AGO1: variants seen among roughly 807,000 people sequenced by gnomAD.
The protein encoded by AGO1 is protein argonaute-1.
Under a neutral mutation model 109.2 loss-of-function variants are expected in AGO1, and 11 were observed. That is an observed-to-expected ratio of 0.10 (90% CI 0.06 to 0.17). The LOEUF is 0.17. Ranked by LOEUF, AGO1 falls within the 10% of genes least tolerant of loss-of-function variation. The probability of loss-of-function intolerance (pLI) is 1.00; values close to 1 mark genes in which losing one functional copy is unlikely to be tolerated. For missense variants in AGO1, 574 were observed against 1,140.3 expected (o/e 0.50, Z 7.15); for synonymous variants, 422 against 418.6 (o/e 1.01, Z -0.10).
In AGO1 at chr1:35,901,569, C is replaced by T. The variant is rs779631833; in HGVS notation, c.1116C>T (p.Asp372=). The T allele has an allele frequency of 6.2e-7, 1 of 1,614,198 alleles. No individual in the cohort carries two copies. The highest frequency in any genetic ancestry group is 8.5e-7 in the Non-Finnish European group (1 of 1,180,024). ...AGGCCACAGCTAGATCCGCTCCAGACAGACAGGAGGAGATCAGTCGCCTGG... is the reference window on the plus strand; with the variant it reads ...AGGCCACAGCTAGATCCGCTCCAGATAGACAGGAGGAGATCAGTCGCCTGG... ...MIKATARSAP[D]RQEEISRLMK... The change falls in exon 9 of 19, where the codon GAC becomes GAT. Residue 372 remains aspartate, a synonymous_variant. Coordinates refer to ENST00000373204, the MANE Select transcript of AGO1 (RefSeq NM_012199.5). The surrounding 1 kb of genome is among the most constrained non-coding windows in gnomAD (Gnocchi z 4.8).
chr1:35,879,263 A>G (rs1645016009), upstream of AGO1, among the ~76,000 whole-genome samples: 1 of 151,994 alleles, frequency 6.6e-6, no homozygotes, highest in Non-Finnish European at 1.5e-5. Flanking sequence ...AGCCTGACCA[A>G]CATGGAGAAA....
intron 12 of AGO1, among the ~76,000 whole-genome samples, chr1:35,907,668 T>G (rs556378029): frequency 3.5e-4 from 53 of 152,306 alleles, no homozygotes; most frequent in Admixed American, 8.5e-4. Context: ...GAGTTTTTCT[T>G]ACCTTGTTCA....
chr1:35,882,705 C>G (rs1382914817), upstream of AGO1: 3 of 618,314 alleles, frequency 4.9e-6, no homozygotes, highest in East Asian at 1.4e-4. The surrounding 1 kb of genome is among the most constrained non-coding windows in gnomAD (Gnocchi z 5.1). Context: ...GTCTCAGCGT[C>G]CAGCACATGG....
rs544764627 is a variant in AGO1 at position 35,895,821 on chromosome 1, G to A, written c.1020+552G>A. Among the ~76,000 whole-genome samples the A allele has an allele frequency of 5.9e-5, 9 of 152,224 alleles. 1 individual carries two copies. The South Asian group carries it at 1.9e-3, about 32-fold the overall frequency. On this transcript the variant is annotated intron_variant, in intron 8 of 18. Transcript: ENST00000373204. ...ATAGAATACAAATACAGAATCACTGGGCTATATTTTGTTTGGTATATACTA... is the reference window on the plus strand; with the variant it reads ...ATAGAATACAAATACAGAATCACTGAGCTATATTTTGTTTGGTATATACTA...
chr1:35,896,643 C>G (rs1224882590), intron 8 of AGO1, among the ~76,000 whole-genome samples: 1 of 152,198 alleles, frequency 6.6e-6, no homozygotes, highest in Non-Finnish European at 1.5e-5. Flanking sequence ...CGGGCATGAG[C>G]TGCCACGCCT....
rs1419533295 is a variant in AGO1, at chr1:35,888,630, G to A, written c.209+20G>A. On this transcript the variant is annotated intron_variant, in intron 2 of 18. Transcript: ENST00000373204. This position sits in a 1 kb window ranked among gnomAD's most constrained non-coding sequence, Gnocchi z 4.1. ...CAACCGGTAAGTGATGCACACCTAA[G>A]CCACCAAATCTGAAAGACACCAACC... is the stretch of plus-strand genomic sequence containing the variant. 1 of 1,612,660 alleles carries A rather than the reference G, an allele frequency of 6.2e-7. No homozygotes were observed.
At chr1:35,908,506 A>G (rs1200327792) in intron 12 of AGO1, among the ~76,000 whole-genome samples, 1 of 152,142 alleles carries the variant, frequency 6.6e-6, no homozygotes, top group Admixed American at 6.5e-5. Flanking sequence ...CCCTCTCTTC[A>G]AGAGTTTATT....
intron 16 of AGO1, 113 bp from the exon 17 acceptor site, chr1:35,918,209 A>T: frequency 1.2e-5 from 10 of 832,240 alleles, no homozygotes; most frequent in Non-Finnish European, 2.1e-5. Context: ...CTCAGGGAAT[A>T]GCAACTTTGG....
chr1:35,880,143 A>C (rs963796997), upstream of AGO1, among the ~76,000 whole-genome samples: 6 of 152,150 alleles, frequency 3.9e-5, no homozygotes, highest in African/African-American at 1.4e-4. Context: ...GCCAAGCACT[A>C]AAGGAGGACA....
In AGO1 at chr1:35,920,600, C is replaced by T. The variant is rs1180935385; in HGVS notation, c.*993C>T. On this transcript the variant is annotated 3_prime_UTR_variant, in exon 19 of 19. Coordinates refer to ENST00000373204, the MANE Select transcript of AGO1 (RefSeq NM_012199.5). Reference sequence around the variant, plus strand: ...CCTCAAGATGGTTAAAATCCATTGACATTTGCACTTTCAAACATGACAAGT... The same window carrying T: ...CCTCAAGATGGTTAAAATCCATTGATATTTGCACTTTCAAACATGACAAGT... 2 of 152,526 alleles carry T rather than the reference C, an allele frequency of 1.3e-5. No individual in the cohort carries two copies. Among genetic ancestry groups the T allele is most frequent in the Admixed American group, 1.3e-4 (2 of 15,280 alleles). 9.4% of individuals were successfully genotyped at this position (152,526 alleles called of 1,614,324 possible).
chr1:35,893,326 T>C lies in AGO1; in HGVS notation c.512+48T>C. Reference sequence around the variant, plus strand: ...GGGCTACTAGTGTTGGCAGAACTGCTGTCAGGGGAGGAGGGGGAGCACATA... The same window carrying C: ...GGGCTACTAGTGTTGGCAGAACTGCCGTCAGGGGAGGAGGGGGAGCACATA... On this transcript the variant is annotated intron_variant, in intron 4 of 18. Coordinates refer to ENST00000373204, the MANE Select transcript of AGO1 (RefSeq NM_012199.5). The surrounding 1 kb of genome is among the most constrained non-coding windows in gnomAD (Gnocchi z 5.6). The C allele has an allele frequency of 6.3e-7, 1 of 1,575,454 alleles. No homozygotes were observed. Among genetic ancestry groups the C allele is most frequent in the South Asian group, 1.1e-5 (1 of 87,654 alleles).
At chr1:35,906,800 G>A (rs1307762412) in intron 11 of AGO1, 135 bp from the exon 12 acceptor site, 9 of 697,054 alleles carry the variant, frequency 1.3e-5, no homozygotes. Flanking sequence ...AGAGCACCCT[G>A]TCTCAAGGAA....
intron 8 of AGO1, among the ~76,000 whole-genome samples, chr1:35,899,032 A>G (rs1045693955): frequency 2.0e-5 from 3 of 152,202 alleles, no homozygotes; most frequent in Non-Finnish European, 4.4e-5. Context: ...CTGAAACTCT[A>G]TACCCATTAA....
chr1:35,928,430 A>G lies in AGO1; in HGVS notation c.*8823A>G, dbSNP rs1645971253. On this transcript the variant is annotated 3_prime_UTR_variant, in exon 19 of 19. Transcript: ENST00000373204. ...TGAGTAGCTGGGCTTACAGGCGCAC[A>G]CCACCATGCCCAGCTAATTAAAAAA... 6.6e-6 allele frequency: 1 copy of G among 151,832 alleles called. No homozygotes were observed. The highest frequency in any genetic ancestry group is 6.5e-5 in the Admixed American group (1 of 15,268). The allele number at this position is 151,832 out of a possible 1,614,324, so 9.4% of individuals were successfully genotyped here. A position where few individuals can be genotyped will look rare whatever the true frequency, so the allele number is the denominator to read the frequency against.
In AGO1 at chr1:35,919,223, C is replaced by T; in HGVS notation, c.2434C>T (p.Arg812Ter). 1.2e-6 allele frequency: 2 copies of T among 1,614,052 alleles called. No individual in the cohort carries two copies. The highest frequency in any genetic ancestry group is 1.7e-6 in the Non-Finnish European group (2 of 1,179,994). Residue 812 changes from arginine (R) to a stop codon, truncating the protein, a stop_gained, in exon 18 of 19, where the codon CGA (arginine) becomes TGA (stop). Coordinates refer to ENST00000373204, the MANE Select transcript of AGO1 (RefSeq NM_012199.5). LOFTEE classifies it high-confidence loss of function. The surrounding 1 kb of genome is among the most constrained non-coding windows in gnomAD (Gnocchi z 6.6). Reference protein sequence around the residue: ...YYARLVAFRARYHLVDKEHDS... With the variant: ...YYARLVAFRA ...TGCCCGCCTGGTGGCTTTCCGGGCA[C>T]GATACCACCTGGTGGACAAGGAGCA...
In AGO1 at chr1:35,901,890, G is replaced by T. The variant is rs1180596647; in HGVS notation, c.1141-58G>T. On this transcript the variant is annotated intron_variant, in intron 9 of 18. Transcript: ENST00000373204. This position sits in a 1 kb window ranked among gnomAD's most constrained non-coding sequence, Gnocchi z 4.8. ...TAGGGTTCTCTCCTTGATACCCAGA[G>T]GGTGAGCAGTATTGCCAAGCTCCTG... is the stretch of plus-strand genomic sequence containing the variant. 1 of 1,534,664 alleles carries T rather than the reference G, an allele frequency of 6.5e-7. No homozygotes were observed. Among genetic ancestry groups the T allele is most frequent in the Non-Finnish European group, 8.8e-7 (1 of 1,141,808 alleles).
At position 35,915,342 on chromosome 1, in the gene AGO1, T is replaced by G. The variant is rs1309691547; in HGVS notation, c.1834-6T>G. On this transcript the variant is annotated splice_polypyrimidine_tract_variant and splice_region_variant and intron_variant, in intron 14 of 18. Transcript: ENST00000373204. ...TAGGAGCTAATCCTTTCTCTCTGAC[T>G]GTCAGGTGGTAGGCAGTATGGATGC... The G allele has an allele frequency of 6.2e-7, 1 of 1,610,360 alleles. No individual in the cohort carries two copies. The highest frequency in any genetic ancestry group is 2.2e-5 in the East Asian group (1 of 44,776).
chr1:35,906,848 A>G lies in AGO1; in HGVS notation c.1398-87A>G, dbSNP rs1410809873. The G allele has an allele frequency of 2.6e-6, 3 of 1,134,128 alleles. No homozygotes were observed. The African/African-American group carries it at 4.7e-5, about 18-fold the overall frequency. The allele number at this position is 1,134,128 out of a possible 1,614,324, so 70.3% of individuals were successfully genotyped here. ...AAACCAATCTCTCAGTGCCTCTTAT[A>G]GTGCTAAGCACCTAAGATGGATGGA... On this transcript the variant is annotated intron_variant, in intron 11 of 18. Coordinates refer to ENST00000373204, the MANE Select transcript of AGO1 (RefSeq NM_012199.5).
chr1:35,891,400 A>G (rs532554771), intron 2 of AGO1, among the ~76,000 whole-genome samples: 2 of 152,292 alleles, frequency 1.3e-5, no homozygotes, highest in South Asian at 4.1e-4. Flanking sequence ...CTTCAGAGAG[A>G]TGGAAGAGAT....
Sources: gnomAD v4.1 joint callset for allele counts (sites outside exome capture counted in the v4.1 genomes callset) on GRCh38, gnomAD v4.1.1 for gene constraint, Gnocchi (gnomAD v3.1) non-coding constraint, MANE v1.5 for transcripts, NCBI Gene and HGNC (gene_info 2026-07-23, HGNC 2026-07-21) for gene names.